PIKFYVE: variants seen among roughly 807,000 people sequenced by gnomAD.
The protein encoded by PIKFYVE is phosphoinositide kinase, FYVE-type zinc finger containing.
In PIKFYVE, 122 loss-of-function variants were observed where a neutral mutation model predicts 257.9. The observed-to-expected ratio is 0.47, with a 90% CI of 0.41 to 0.55. The LOEUF is 0.55. PIKFYVE is among the 20% of genes least tolerant of loss of function. The pLI is 0.00. For synonymous variants in PIKFYVE, 892 were observed against 868.9 expected (o/e 1.03, Z -0.47); for missense variants, 2,160 against 2,536.6 (o/e 0.85, Z 3.19).
chr2:208,333,245 A>T, intron 23 of PIKFYVE, 70 bp from the exon 24 acceptor site: 1 of 1,524,282 alleles, frequency 6.6e-7, no homozygotes, highest in Non-Finnish European at 9.0e-7. Flanking sequence ...AAAAAAAAAA[A>T]GAAAATGTTA....
chr2:208,348,937 C>T (rs1166249360), intron 35 of PIKFYVE, among the ~76,000 whole-genome samples: 2 of 151,696 alleles, frequency 1.3e-5, no homozygotes, highest in African/African-American at 2.4e-5. Flanking sequence ...CTGAGGCGGG[C>T]GGATCACTTG....
intron 15 of PIKFYVE, among the ~76,000 whole-genome samples, chr2:208,316,745 A>G (rs997794948): frequency 6.6e-5 from 10 of 152,248 alleles, no homozygotes; most frequent in Non-Finnish European, 1.5e-4. Flanking sequence ...CTACAAGGCT[A>G]CAGTAACCAA....
At chr2:208,345,973 A>G (rs1264587859) in intron 33 of PIKFYVE, 77 bp from the exon 34 acceptor site, 1 of 987,666 alleles carries the variant, frequency 1.0e-6, no homozygotes, top group African/African-American at 1.6e-5. Flanking sequence ...GTACAGCGTA[A>G]TTAGTGTAGA....
At chr2:208,342,768 A>T in intron 32 of PIKFYVE, 119 bp downstream of exon 32, 20 of 653,884 alleles carry the variant, frequency 3.1e-5, no homozygotes, top group Non-Finnish European at 3.5e-5. Flanking sequence ...GCAAAAATAT[A>T]TGTTCTTTAG....
chr2:208,353,546 T>TC (rs376603895), intron 39 of PIKFYVE, among the ~76,000 whole-genome samples: 32,239 of 145,114 alleles, frequency 0.22, 4,871 homozygotes, highest in African/African-American at 0.43. Flanking sequence ...CATCTCTCTC[T>TC]TTTTTTTTTT....
chr2:208,303,076 C>T lies in PIKFYVE; in HGVS notation c.1320+723C>T, dbSNP rs186738279. 1.4e-3 allele frequency among the ~76,000 whole-genome samples: 214 copies of T among 152,000 alleles called. 3 individuals are homozygous for T. On this transcript the variant is annotated intron_variant, in intron 10 of 41. Coordinates refer to ENST00000264380, the MANE Select transcript of PIKFYVE (RefSeq NM_015040.4). Reference sequence around the variant, plus strand: ...CAGCCTGGGCGACAAAGCAAGGCTCCGTCTCAAAACAAACACAAACAAACG... The same window carrying T: ...CAGCCTGGGCGACAAAGCAAGGCTCTGTCTCAAAACAAACACAAACAAACG...
rs199821570 is a variant in PIKFYVE, at chr2:208,304,837, C to T, written c.1469-9C>T. The T allele has an allele frequency of 1.4e-5, 22 of 1,613,054 alleles. No individual in the cohort carries two copies. Among genetic ancestry groups the T allele is most frequent in the Non-Finnish European group, 1.9e-5 (22 of 1,179,024 alleles). On this transcript the variant is annotated splice_polypyrimidine_tract_variant and intron_variant, in intron 11 of 41. Coordinates refer to ENST00000264380, the MANE Select transcript of PIKFYVE (RefSeq NM_015040.4). ...CCCTATATTTCTTTCCCCTTCCCAA[C>T]ACTAAAAGATTCTGCCAGTCCTAGC...
At chr2:208,276,871 T>G in intron 4 of PIKFYVE, 41 bp downstream of exon 4, 29 of 1,480,982 alleles carry the variant, frequency 2.0e-5, no homozygotes, top group Non-Finnish European at 2.5e-5. Flanking sequence ...ATTAAGCGCT[T>G]ATGGGGATCA....
rs1699407100 is a variant in PIKFYVE, at chr2:208,348,092, T to A, written c.5374+69T>A. On this transcript the variant is annotated intron_variant, in intron 35 of 41. Transcript: ENST00000264380. ...TATTTATTTTAGTTGCATATATTTC[T>A]TATAGCCTTAAATAGATAATTCTTA... 7 of 1,558,540 alleles carry A rather than the reference T, an allele frequency of 4.5e-6. No individual in the cohort carries two copies. In the South Asian group the frequency reaches 6.7e-5, roughly 15 times the overall value.
At chr2:208,291,975 G>A (rs1044456269) in intron 7 of PIKFYVE, among the ~76,000 whole-genome samples, 20 of 152,034 alleles carry the variant, frequency 1.3e-4, no homozygotes, top group African/African-American at 3.9e-4. Flanking sequence ...TGCATTCCAC[G>A]AATTTAGTTA....
chr2:208,324,348 T>C lies in PIKFYVE; in HGVS notation c.2331+66T>C, dbSNP rs546637548. ...CAGCTTTTAAATTTATATGCACGTA[T>C]GGTAGGTATACAAGAATCTTTTTTT... On this transcript the variant is annotated intron_variant, in intron 18 of 41. Coordinates refer to ENST00000264380, the MANE Select transcript of PIKFYVE (RefSeq NM_015040.4). 7 of 1,516,894 alleles carry C rather than the reference T, an allele frequency of 4.6e-6. No homozygotes were observed. In the Admixed American group the frequency reaches 8.4e-5, roughly 18 times the overall value. The allele number at this position is 1,516,894 out of a possible 1,614,324, so 94.0% of individuals were successfully genotyped here.
intron 13 of PIKFYVE, among the ~76,000 whole-genome samples, chr2:208,313,144 T>C (rs565702963): frequency 9.9e-5 from 15 of 152,222 alleles, no homozygotes; most frequent in Non-Finnish European, 2.1e-4. Flanking sequence ...TGTTTTGCTT[T>C]TAAGAGGGGA....
At chr2:208,303,302 T>C (rs72982951) in intron 10 of PIKFYVE, among the ~76,000 whole-genome samples, 3 of 93,286 alleles carry the variant, frequency 3.2e-5, no homozygotes, top group Non-Finnish European at 4.8e-5. Flanking sequence ...CACACACACA[T>C]ATATATATAG....
chr2:208,295,634 C>T (rs768708414), intron 7 of PIKFYVE, among the ~76,000 whole-genome samples: 5 of 152,172 alleles, frequency 3.3e-5, no homozygotes, highest in Non-Finnish European at 7.3e-5. Context: ...GGCAGTAATA[C>T]TCCATGAGTG....
rs945368452 is a variant in PIKFYVE at position 208,327,718 on chromosome 2, A to G, written c.3619-462A>G. Among the ~76,000 whole-genome samples the G allele has an allele frequency of 4.6e-5, 7 of 152,262 alleles. No homozygotes were observed. In the East Asian group the frequency reaches 1.2e-3, roughly 25 times the overall value. On this transcript the variant is annotated intron_variant, in intron 20 of 41. Transcript: ENST00000264380. ...TTTTGTGTATTTTATGAACTTCTTC[A>G]TATGCTTCTATACTGTTTCAATTTT...
intron 16 of PIKFYVE, 57 bp from the exon 17 acceptor site, chr2:208,320,195 G>A: frequency 2.5e-6 from 4 of 1,579,110 alleles, no homozygotes; most frequent in East Asian, 2.3e-5. Flanking sequence ...TATAATTAAA[G>A]GAGGGCTGTA....
At chr2:208,340,430 A>G (rs1343747923) in intron 31 of PIKFYVE, among the ~76,000 whole-genome samples, 3 of 152,204 alleles carry the variant, frequency 2.0e-5, no homozygotes, top group Admixed American at 2.0e-4. Flanking sequence ...CACTGATTTA[A>G]TAATTATAAA....
Position 208,328,293 on chromosome 2 carries a change from TC to T in PIKFYVE, c.3719+18del. 1 of 1,613,150 alleles carries T rather than the reference TC, an allele frequency of 6.2e-7. No homozygotes were observed. ...GTGTCAGTCCTTGGTAGGATTCTTT[TC>T]CCCCTACACTATTCCACATAAGAAC... On this transcript the variant is annotated intron_variant, in intron 21 of 41. Transcript: ENST00000264380.
intron 2 of PIKFYVE, among the ~76,000 whole-genome samples, chr2:208,272,390 T>G (rs1205057001): frequency 6.6e-6 from 1 of 152,170 alleles, no homozygotes; most frequent in Non-Finnish European, 1.5e-5. Flanking sequence ...AGCTAAAATA[T>G]TTAAAGCAAT....
Sources: allele counts gnomAD v4.1 joint callset (sites outside exome capture counted in the v4.1 genomes callset), GRCh38; gene constraint gnomAD v4.1.1; transcripts MANE v1.5; gene names NCBI Gene and HGNC (gene_info 2026-07-23, HGNC 2026-07-21).